The following CNTN5 variants were observed in gnomAD, a reference collection of about 807,000 sequenced individuals.
CNTN5 encodes contactin-5.
In CNTN5, 77 loss-of-function variants were observed where a neutral mutation model predicts 129.1. The ratio of observed to expected loss-of-function variants is 0.60; its 90% confidence interval spans 0.50 to 0.72. The LOEUF is 0.72. Among genes scored for constraint, CNTN5 ranks in the 30% least tolerant of loss-of-function variants. CNTN5 has a pLI of 0.00. For synonymous variants in CNTN5, 509 were observed against 465.6 expected, an observed-to-expected ratio of 1.09 and a Z score of -1.20; for missense variants, 1,478 against 1,328.8, an observed-to-expected ratio of 1.11 and a Z score of -1.75.
chr11:100,013,113 C>G (rs1382044775), intron 9 of CNTN5, among the ~76,000 whole-genome samples: 3 of 152,160 alleles, frequency 2.0e-5, no homozygotes, highest in Non-Finnish European at 4.4e-5. Flanking sequence ...CATGTTCTCA[C>G]TTACAAATGG....
intron 2 of CNTN5, among the ~76,000 whole-genome samples, chr11:99,470,815 T>A (rs1192323885): frequency 1.3e-4 from 2 of 15,736 alleles, no homozygotes; most frequent in African/African-American, 3.8e-4. Context: ...CACAAATTTA[T>A]TTTTTTTTAT....
chr11:99,187,283 C>T (rs1858402477), intron 1 of CNTN5, among the ~76,000 whole-genome samples: 1 of 151,628 alleles, frequency 6.6e-6, no homozygotes, highest in Non-Finnish European at 1.5e-5. Flanking sequence ...CCAGGCAGCA[C>T]TTAACATAAA....
Position 100,010,944 on chromosome 11 carries a change from A to C in CNTN5, c.980+8808A>C, listed in dbSNP as rs73559012. ...CTTTCAGTGTGACCACCTACATTTC[A>C]CTATTTAGCCTGCCCCACTGGAACA... On this transcript the variant is annotated intron_variant, in intron 9 of 24. Coordinates refer to ENST00000524871, the MANE Select transcript of CNTN5 (RefSeq NM_014361.4). Among the ~76,000 whole-genome samples, 1,513 of 152,032 alleles carry C rather than the reference A, an allele frequency of 1.0e-2. 42 individuals carry two copies. Among genetic ancestry groups the C allele is most frequent in the African/African-American group, 0.035 (1,462 of 41,462 alleles).
intron 3 of CNTN5, among the ~76,000 whole-genome samples, chr11:99,815,228 C>T (rs1463442436): frequency 1.3e-5 from 2 of 150,996 alleles, no homozygotes; most frequent in Non-Finnish European, 3.0e-5. Context: ...ATTCCACCCT[C>T]AACAGATTTC....
intron 6 of CNTN5, among the ~76,000 whole-genome samples, chr11:99,908,402 GT>G (rs1199194941): frequency 6.6e-6 from 1 of 151,932 alleles, no homozygotes; most frequent in African/African-American, 2.4e-5. Flanking sequence ...TAATGGATTT[GT>G]AGTACTCAAA....
chr11:99,646,999 T>C (rs1951989584), intron 3 of CNTN5, among the ~76,000 whole-genome samples: 1 of 152,012 alleles, frequency 6.6e-6, no homozygotes, highest in Admixed American at 6.6e-5. Context: ...TTTTTACTCT[T>C]GTTTCCTTTG....
At chr11:99,421,362 A>G (rs1404160269) in intron 2 of CNTN5, among the ~76,000 whole-genome samples, 12 of 152,296 alleles carry the variant, frequency 7.9e-5, no homozygotes, top group East Asian at 1.9e-4. Flanking sequence ...TTCACTCTAA[A>G]GAGGCTACCC....
intron 2 of CNTN5, among the ~76,000 whole-genome samples, chr11:99,516,302 A>G (rs575781286): frequency 1.3e-5 from 2 of 152,236 alleles, no homozygotes; most frequent in Admixed American, 1.3e-4. Context: ...ATTTTCTCAA[A>G]CTAAGAGTCT....
intron 6 of CNTN5, among the ~76,000 whole-genome samples, chr11:99,907,713 CTG>C (rs1949546789): frequency 6.6e-6 from 1 of 151,870 alleles, no homozygotes; most frequent in Non-Finnish European, 1.5e-5. Flanking sequence ...ATTTTCTCAA[CTG>C]TAATGGAAGA....
intron 16 of CNTN5, among the ~76,000 whole-genome samples, chr11:100,232,798 A>G (rs752041058): frequency 8.5e-5 from 13 of 152,198 alleles, no homozygotes; most frequent in Non-Finnish European, 1.5e-4. Flanking sequence ...GCTGTTACCC[A>G]TGTATGAGCA....
intron 2 of CNTN5, among the ~76,000 whole-genome samples, chr11:99,415,623 T>C (rs138867611): frequency 6.6e-6 from 1 of 152,292 alleles, no homozygotes; most frequent in East Asian, 1.9e-4. Context: ...GGGATTCTAG[T>C]TGTTTCTATG....
At chr11:100,228,811 G>A (rs1949432992) in intron 16 of CNTN5, among the ~76,000 whole-genome samples, 2 of 152,116 alleles carry the variant, frequency 1.3e-5, no homozygotes, top group Admixed American at 1.3e-4. Context: ...GGTGTACCAT[G>A]GAAGTTCACC....
At chr11:99,562,561 C>A (rs1162215758) in intron 3 of CNTN5, among the ~76,000 whole-genome samples, 1 of 152,016 alleles carries the variant, frequency 6.6e-6, no homozygotes, top group Non-Finnish European at 1.5e-5. Context: ...ATAGGAAAAA[C>A]TGGTTATGAA....
chr11:99,793,662 C>G (rs1945833935), intron 3 of CNTN5, among the ~76,000 whole-genome samples: 1 of 152,110 alleles, frequency 6.6e-6, no homozygotes, highest in African/African-American at 2.4e-5. Flanking sequence ...TGATTTCTGT[C>G]TTAATTTCAT....
intron 9 of CNTN5, chr11:100,003,998 G>C: frequency 6.6e-6 from 1 of 152,152 alleles, no homozygotes; most frequent in East Asian, 1.9e-4. Context: ...CTTGACATGT[G>C]TTCATCCTTT....
chr11:99,468,758 G>C (rs1460786219), intron 2 of CNTN5, among the ~76,000 whole-genome samples: 3 of 149,000 alleles, frequency 2.0e-5, no homozygotes, highest in Non-Finnish European at 1.5e-5. Flanking sequence ...TTCTGAGAAG[G>C]AGTTTCCCTC....
chr11:99,582,992 A>T (rs1340524799), intron 3 of CNTN5, among the ~76,000 whole-genome samples: 1 of 152,046 alleles, frequency 6.6e-6, no homozygotes, highest in African/African-American at 2.4e-5. Flanking sequence ...TGACGTACAG[A>T]TGGGTTTTTG....
intron 3 of CNTN5, among the ~76,000 whole-genome samples, chr11:99,779,254 T>A (rs1945230271): frequency 6.6e-6 from 1 of 151,928 alleles, no homozygotes; most frequent in African/African-American, 2.4e-5. Context: ...TCAGAAGAAA[T>A]AAAATAATTA....
intron 1 of CNTN5, among the ~76,000 whole-genome samples, chr11:99,113,751 G>C (rs959150437): frequency 2.6e-5 from 4 of 152,036 alleles, no homozygotes; most frequent in African/African-American, 4.8e-5. Context: ...AAGGTATGTA[G>C]CATGGCACAC....
Sources: allele counts gnomAD v4.1 joint callset (sites outside exome capture counted in the v4.1 genomes callset), GRCh38; gene constraint gnomAD v4.1.1; transcripts MANE v1.5; gene names NCBI Gene and HGNC (gene_info 2026-07-23, HGNC 2026-07-21).